Variants in CECR2 observed in about 807,000 individuals in gnomAD.
CECR2 encodes the protein chromatin remodeling regulator CECR2.
A neutral mutation model predicts 154.5 loss-of-function variants in CECR2; 30 were observed. The observed-to-expected ratio is 0.19, with a 90% CI of 0.15 to 0.26. The LOEUF (loss-of-function observed/expected upper bound fraction) is 0.26. Among genes scored for constraint, CECR2 ranks in the 10% least tolerant of loss-of-function variants. The pLI is 1.00. For synonymous variants in CECR2, 725 were observed against 683.7 expected, an observed-to-expected ratio of 1.06 and a Z score of -0.94; for missense variants, 1,743 against 1,829.3, an observed-to-expected ratio of 0.95 and a Z score of 0.86.
intron 2 of CECR2, among the ~76,000 whole-genome samples, chr22:17,487,011 C>G (rs2055433587): frequency 6.6e-6 from 1 of 152,200 alleles, no homozygotes; most frequent in Non-Finnish European, 1.5e-5. Context: ...TGGAAGGTCA[C>G]TAATCTAAGG....
intron 5 of CECR2, among the ~76,000 whole-genome samples, chr22:17,502,134 A>G (rs889565788): frequency 3.3e-5 from 5 of 152,162 alleles, no homozygotes; most frequent in African/African-American, 1.2e-4. Flanking sequence ...AATGCGTTAT[A>G]CACTTTGCAT....
chr22:17,471,686 C>T (rs1173142043), intron 1 of CECR2, among the ~76,000 whole-genome samples: 4 of 152,122 alleles, frequency 2.6e-5, no homozygotes, highest in African/African-American at 7.2e-5. Flanking sequence ...CAGGCACCCG[C>T]CACCACTCCT....
chr22:17,429,316 G>A (rs1023960297), intron 1 of CECR2, among the ~76,000 whole-genome samples: 40 of 152,134 alleles, frequency 2.6e-4, no homozygotes, highest in Non-Finnish European at 2.5e-4. Flanking sequence ...AGATTCCAAT[G>A]TAGTCAGAAT....
At chr22:17,480,996 C>T (rs1392696311) in intron 2 of CECR2, among the ~76,000 whole-genome samples, 38 of 131,854 alleles carry the variant, frequency 2.9e-4, no homozygotes, top group East Asian at 1.2e-3. Context: ...GCCAAGATCG[C>T]ACCATTGCAC....
In CECR2 at chr22:17,548,168, G is replaced by A; in HGVS notation, c.2881G>A (p.Glu961Lys). 1 of 1,533,310 alleles carries A rather than the reference G, an allele frequency of 6.5e-7. No homozygotes were observed. The highest frequency in any genetic ancestry group is 2.4e-5 in the East Asian group (1 of 41,508). The allele number at this position is 1,533,310 out of a possible 1,614,324, so 95.0% of individuals were successfully genotyped here. A position where few individuals can be genotyped will look rare whatever the true frequency, so the allele number is the denominator to read the frequency against. Residue 961 changes from glutamate to lysine, a missense_variant, in exon 17 of 19, where the codon GAA becomes AAA. Around this residue, in one of 4 missense-constraint regions of CECR2, gnomAD observed 1,250 missense variants for 1,192.1 expected, o/e 1.05. Transcript: ENST00000262608. ...TGCAGCAGAGCCGTTGCCTGGCCTT[G>A]AAGAGAAACCACCAGGTGTTGGTAC... ...NDQAEPLPGL[E>K]EKPPGVGTSE...
At chr22:17,415,986 G>A (rs907329368) in intron 1 of CECR2, among the ~76,000 whole-genome samples, 5 of 152,142 alleles carry the variant, frequency 3.3e-5, no homozygotes, top group African/African-American at 9.7e-5. Context: ...GTACACTCAC[G>A]ATTTCTGGGA....
chr22:17,382,081 G>T (rs1173369029), intron 1 of CECR2, among the ~76,000 whole-genome samples: 1 of 151,400 alleles, frequency 6.6e-6, no homozygotes, highest in Admixed American at 6.6e-5. Context: ...TAGTAGGGAC[G>T]AGGTTTCGCC....
chr22:17,487,639 C>T (rs1358095270), intron 2 of CECR2, among the ~76,000 whole-genome samples: 1 of 151,870 alleles, frequency 6.6e-6, no homozygotes, highest in Non-Finnish European at 1.5e-5. Context: ...TTGCAGTGAG[C>T]CGAGATCGCG....
At position 17,554,795 on chromosome 22, in the gene CECR2, A is replaced by C. The variant is rs1388927559; in HGVS notation, c.*1955A>C. 1 of 152,246 alleles carries C rather than the reference A, an allele frequency of 6.6e-6. No homozygotes were observed. The highest frequency in any genetic ancestry group is 1.5e-5 in the Non-Finnish European group (1 of 68,052). 9.4% of individuals were successfully genotyped at this position (152,246 alleles called of 1,614,324 possible). On this transcript the variant is annotated 3_prime_UTR_variant, in exon 19 of 19. Transcript: ENST00000262608. The stretch of plus-strand genomic sequence containing the variant: ...TGGCATAACCTGGTTTAGAAGAGTG[A>C]AGAGGACAGAAGGATTGTGGATGGG...
intron 1 of CECR2, among the ~76,000 whole-genome samples, chr22:17,382,150 A>AAAGTGCTGGG (rs2063204288): frequency 6.6e-6 from 1 of 151,650 alleles, no homozygotes; most frequent in Non-Finnish European, 1.5e-5. Flanking sequence ...TTGGCCTCCC[A>AAAGTGCTGGG]AAGTGCTGGG....
chr22:17,431,913 C>T (rs1261586345), intron 1 of CECR2, among the ~76,000 whole-genome samples: 1 of 152,186 alleles, frequency 6.6e-6, no homozygotes, highest in African/African-American at 2.4e-5. Flanking sequence ...TTTCAACACC[C>T]CAAACCTTTC....
intron 8 of CECR2, among the ~76,000 whole-genome samples, chr22:17,516,383 T>G (rs755709458): frequency 6.6e-6 from 1 of 152,088 alleles, no homozygotes; most frequent in Non-Finnish European, 1.5e-5. Context: ...AACACAAATC[T>G]CGAAGTGCAA....
At chr22:17,500,025 T>C (rs1037960992) in intron 4 of CECR2, among the ~76,000 whole-genome samples, 1 of 152,026 alleles carries the variant, frequency 6.6e-6, no homozygotes, top group Non-Finnish European at 1.5e-5. Context: ...TCCTGGCTAA[T>C]ACGGTGAAAC....
rs550928260 is a variant in CECR2, at chr22:17,511,292, G to A, written c.871-521G>A. On this transcript the variant is annotated intron_variant, in intron 7 of 18. Transcript: ENST00000262608. ...CCTATAAGGACTGCTTTCCAGCCTGGTGCATTTCCTTGGCACTCACCGCAT... is the reference window on the plus strand; with the variant it reads ...CCTATAAGGACTGCTTTCCAGCCTGATGCATTTCCTTGGCACTCACCGCAT... 1.8e-4 allele frequency among the ~76,000 whole-genome samples: 28 copies of A among 152,210 alleles called. No homozygotes were observed. In the South Asian group the frequency reaches 5.4e-3, roughly 29 times the overall value.
chr22:17,539,639 C>T (rs1159507532), intron 13 of CECR2, among the ~76,000 whole-genome samples: 1 of 151,894 alleles, frequency 6.6e-6, no homozygotes, highest in East Asian at 1.9e-4. Context: ...ACGTTGTGCA[C>T]ATGTACCCTA....
At chr22:17,379,626 T>TGTGTGTGTGTG (rs1555899704) in intron 1 of CECR2, among the ~76,000 whole-genome samples, 1 of 93,582 alleles carries the variant, frequency 1.1e-5, no homozygotes, top group East Asian at 3.0e-4. Flanking sequence ...GTGTGTGTGT[T>TGTGTGTGTGTG]TGCGATATAT....
rs1352219709 is a variant in CECR2, at chr22:17,548,369, G to C, written c.3082G>C (p.Asp1028His). The change falls in exon 17 of 19, where the codon GAT becomes CAT. Residue 1028 changes from aspartate to histidine, a missense_variant. Transcript: ENST00000262608. Reference protein sequence around the residue: ...AMKGKNPWPSDSSYPGPAAQG... With the variant: ...AMKGKNPWPSHSSYPGPAAQG... ...GAAGGGCAAGAATCCCTGGCCCTCGGATAGCAGCTACCCCGGCCCAGCCGC... is the reference window on the plus strand; with the variant it reads ...GAAGGGCAAGAATCCCTGGCCCTCGCATAGCAGCTACCCCGGCCCAGCCGC... The C allele has an allele frequency of 2.5e-6, 4 of 1,613,114 alleles. No homozygotes were observed. In the East Asian group the frequency reaches 8.9e-5, roughly 36 times the overall value.
Position 17,540,772 on chromosome 22 carries a change from C to G in CECR2, c.1856C>G (p.Pro619Arg), listed in dbSNP as rs1293011876. The G allele has an allele frequency of 5.0e-6, 8 of 1,588,458 alleles. No homozygotes were observed. Among genetic ancestry groups the G allele is most frequent in the Middle Eastern group, 1.7e-4 (1 of 5,950 alleles). The change falls in exon 14 of 19, where the codon CCC becomes CGC. Residue 619 changes from proline to arginine, a missense_variant. Transcript: ENST00000262608. Reference protein sequence around the residue: ...FSHPLHCGGTPSQAPFLNQMR... With the variant: ...FSHPLHCGGTRSQAPFLNQMR... ...CATCCCCTGCATTGTGGTGGGACAC[C>G]CAGCCAGGCACCCTTTTTAAACCAG...
chr22:17,470,991 G>T (rs1387586703), intron 1 of CECR2, among the ~76,000 whole-genome samples: 2 of 152,164 alleles, frequency 1.3e-5, no homozygotes, highest in Non-Finnish European at 2.9e-5. Context: ...AACCTCAGAG[G>T]CCTGGAGCTG....
Sources: allele counts gnomAD v4.1 joint callset (sites outside exome capture counted in the v4.1 genomes callset), GRCh38; gene constraint gnomAD v4.1.1; regional missense constraint gnomAD v4.1.1; transcripts MANE v1.5; gene names NCBI Gene and HGNC (gene_info 2026-07-23, HGNC 2026-07-21).